The following MICU1 variants were observed in gnomAD, a reference collection of about 807,000 sequenced individuals.
MICU1 encodes calcium uptake protein 1, mitochondrial.
In MICU1, 45 loss-of-function variants were observed where a neutral mutation model predicts 56.8. The observed-to-expected ratio is 0.79, with a 90% CI of 0.62 to 1.02. The LOEUF (loss-of-function observed/expected upper bound fraction) is 1.02. Ranked by LOEUF, MICU1 falls within the 50% of genes least tolerant of loss-of-function variation. The pLI, the probability that MICU1 is intolerant of heterozygous loss-of-function variation, is 0.00. For missense variants in MICU1, 504 were observed against 587.1 expected (o/e 0.86, Z 1.46); for synonymous variants, 186 against 195.1 (o/e 0.95, Z 0.39).
Position 72,602,113 on chromosome 10 carries a change from C to A in MICU1, c.-2+23897G>T, listed in dbSNP as rs567297542. On this transcript the variant is annotated intron_variant, in intron 1 of 11. Transcript: ENST00000361114. The stretch of plus-strand genomic sequence containing the variant: ...ATGCCTGGAGTAATATTTTAAATTT[C>A]TTTAATGACACACCACCATACAAAA... 8.6e-5 allele frequency among the ~76,000 whole-genome samples: 13 copies of A among 151,690 alleles called. 1 individual carries two copies. In the South Asian group the frequency reaches 2.7e-3, roughly 32 times the overall value.
intron 1 of MICU1, among the ~76,000 whole-genome samples, chr10:72,581,012 A>C (rs2132506641): frequency 6.6e-6 from 1 of 152,320 alleles, no homozygotes; most frequent in Admixed American, 6.5e-5. Flanking sequence ...ATAGCAAACA[A>C]GATGCCAAAC....
chr10:72,397,096 C>G (rs1014629336), intron 10 of MICU1, among the ~76,000 whole-genome samples: 15 of 152,300 alleles, frequency 9.8e-5, no homozygotes, highest in African/African-American at 3.1e-4. Context: ...AGCAGAAACC[C>G]TACAAGCCAG....
At chr10:72,571,241 G>A (rs1161716721) in intron 1 of MICU1, among the ~76,000 whole-genome samples, 1 of 152,166 alleles carries the variant, frequency 6.6e-6, no homozygotes, top group Non-Finnish European at 1.5e-5. Flanking sequence ...GCAGGCGCCT[G>A]TTATTCCAGC....
At chr10:72,612,011 CAAAAA>C (rs55767300) in intron 1 of MICU1, among the ~76,000 whole-genome samples, 11 of 119,964 alleles carry the variant, frequency 9.2e-5, no homozygotes, top group Non-Finnish European at 1.5e-4. Flanking sequence ...ACCAACCAAC[CAAAAA>C]AAAAAAAAAA....
At chr10:72,448,151 CTG>C (rs1865170334) in intron 8 of MICU1, among the ~76,000 whole-genome samples, 1 of 41,172 alleles carries the variant, frequency 2.4e-5, no homozygotes, top group African/African-American at 7.4e-5. Flanking sequence ...GTGTGTGTGT[CTG>C]TGTGTGTGTA....
Position 72,423,356 on chromosome 10 carries a change from G to C in MICU1, c.949C>G (p.Pro317Ala), listed in dbSNP as rs748513993. Residue 317 changes from proline to alanine, a missense_variant, in exon 9 of 12, where the codon CCT becomes GCT. Pro to Ala is a conservative substitution (Grantham distance 27). Transcript: ENST00000361114. ...CTCTCAGTAATTCTCCCATCCACAG[G>C]GTCATGGCGTTCAAACTGGGAGGGA... ...VLKLEFERHD[P>A]VDGRITERQF... 6.2e-7 allele frequency: 1 copy of C among 1,613,724 alleles called. No homozygotes were observed. The highest frequency in any genetic ancestry group is 8.5e-7 in the Non-Finnish European group (1 of 1,179,778).
At chr10:72,526,781 T>C (rs1867974346) in intron 5 of MICU1, among the ~76,000 whole-genome samples, 1 of 152,112 alleles carries the variant, frequency 6.6e-6, no homozygotes, top group Admixed American at 6.5e-5. Context: ...ATACCACCTT[T>C]CCTATGTCTA....
At chr10:72,374,418 G>A (rs953132526) in intron 11 of MICU1, among the ~76,000 whole-genome samples, 7 of 152,224 alleles carry the variant, frequency 4.6e-5, no homozygotes, top group Admixed American at 6.5e-5. Context: ...GAGCCACCAC[G>A]CCAGGCCAAG....
chr10:72,425,823 T>C (rs1257496090), intron 8 of MICU1, among the ~76,000 whole-genome samples: 1 of 152,136 alleles, frequency 6.6e-6, no homozygotes, highest in African/African-American at 2.4e-5. Flanking sequence ...TAATGTCCTA[T>C]TTGTTCAAAA....
intron 1 of MICU1, among the ~76,000 whole-genome samples, chr10:72,595,581 G>A (rs1841358709): frequency 6.6e-6 from 1 of 151,168 alleles, no homozygotes; most frequent in African/African-American, 2.4e-5. Flanking sequence ...GGCTAACATA[G>A]CTATTTCATT....
intron 5 of MICU1, chr10:72,524,704 T>A: frequency 1.6e-6 from 2 of 1,230,420 alleles, no homozygotes; most frequent in South Asian, 4.1e-5. Context: ...GAGCATTAAG[T>A]AATTTAAAGC....
chr10:72,403,670 T>TGTGTGTGTGTGTGTGTGTG (rs1554862082), intron 10 of MICU1, among the ~76,000 whole-genome samples: 1 of 149,588 alleles, frequency 6.7e-6, no homozygotes, highest in Non-Finnish European at 1.5e-5. Context: ...TGTGTGTGTG[T>TGTGTGTGTGTGTGTGTGTG]TTTGAGACGG....
At chr10:72,462,156 A>G (rs550043772) in intron 8 of MICU1, among the ~76,000 whole-genome samples, 2 of 152,144 alleles carry the variant, frequency 1.3e-5, no homozygotes, top group South Asian at 2.1e-4. Flanking sequence ...CAATGGTCCC[A>G]CTTAACAATT....
intron 6 of MICU1, among the ~76,000 whole-genome samples, chr10:72,482,575 T>C (rs1866334963): frequency 6.6e-6 from 1 of 152,176 alleles, no homozygotes; most frequent in Admixed American, 6.5e-5. Flanking sequence ...TTGTTGACCA[T>C]ATTAAATGAG....
At chr10:72,522,887 T>C (rs938192122) in intron 5 of MICU1, among the ~76,000 whole-genome samples, 2 of 152,160 alleles carry the variant, frequency 1.3e-5, no homozygotes, top group Non-Finnish European at 2.9e-5. Context: ...ATTCTCCCAC[T>C]ACCTAAGAAA....
At chr10:72,416,263 G>C (rs1463132423) in intron 9 of MICU1, among the ~76,000 whole-genome samples, 1 of 152,132 alleles carries the variant, frequency 6.6e-6, no homozygotes, top group Non-Finnish European at 1.5e-5. Context: ...TCATAGCTTA[G>C]TACTCCTTTG....
chr10:72,485,447 A>G (rs925316172), intron 6 of MICU1, among the ~76,000 whole-genome samples: 2 of 151,956 alleles, frequency 1.3e-5, no homozygotes, highest in Non-Finnish European at 2.9e-5. Context: ...ATAAATCAGG[A>G]TTATATAATT....
At chr10:72,429,952 C>T (rs997043342) in intron 8 of MICU1, among the ~76,000 whole-genome samples, 1 of 152,146 alleles carries the variant, frequency 6.6e-6, no homozygotes, top group African/African-American at 2.4e-5. Context: ...TCTCTCTGGT[C>T]TCAGTATCAG....
At chr10:72,591,153 C>A (rs1429703835) in intron 1 of MICU1, among the ~76,000 whole-genome samples, 1 of 151,980 alleles carries the variant, frequency 6.6e-6, no homozygotes, top group Non-Finnish European at 1.5e-5. Context: ...ATCAAAGAAG[C>A]ACTCACAAAA....
Sources: allele counts gnomAD v4.1 joint callset (sites outside exome capture counted in the v4.1 genomes callset), GRCh38; gene constraint gnomAD v4.1.1; transcripts MANE v1.5; gene names NCBI Gene and HGNC (gene_info 2026-07-23, HGNC 2026-07-21).